The following DAB2IP variants were observed in gnomAD, a reference collection of about 807,000 sequenced individuals.
DAB2IP encodes the protein DAB2 interacting protein.
In DAB2IP, 28 loss-of-function variants were observed where a neutral mutation model predicts 107.2. That is an observed-to-expected ratio of 0.26 (90% CI 0.19 to 0.36). DAB2IP has a LOEUF of 0.36. Among genes scored for constraint, DAB2IP ranks in the 10% least tolerant of loss-of-function variants. The pLI, the probability that DAB2IP is intolerant of heterozygous loss-of-function variation, is 1.00. For missense variants in DAB2IP, 1,400 were observed against 1,644.7 expected (o/e 0.85, Z 2.57); for synonymous variants, 755 against 706.4 (o/e 1.07, Z -1.09).
intron 3 of DAB2IP, among the ~76,000 whole-genome samples, chr9:121,729,144 C>T (rs1831385754): frequency 6.6e-6 from 1 of 152,186 alleles, no homozygotes. Flanking sequence ...CCCAAAGATT[C>T]TTATCTCCTG....
chr9:121,579,331 C>T (rs7032859), intron 1 of DAB2IP, among the ~76,000 whole-genome samples: 5 of 152,036 alleles, frequency 3.3e-5, no homozygotes, highest in African/African-American at 7.2e-5. Context: ...CCTACCCCCC[C>T]ACCCTGAGGA....
At chr9:121,647,495 A>G (rs1832578602), upstream of DAB2IP, among the ~76,000 whole-genome samples, 1 of 152,044 alleles carries the variant, frequency 6.6e-6, no homozygotes, top group Non-Finnish European at 1.5e-5. Context: ...GGCCTGGCCC[A>G]TGATGTACCT....
chr9:121,737,429 C>T (rs1832007209), intron 3 of DAB2IP: 1 of 985,430 alleles, frequency 1.0e-6, no homozygotes, highest in Non-Finnish European at 1.2e-6. Flanking sequence ...CAGCACGTGC[C>T]TTTCGGGAAG....
chr9:121,715,280 C>T (rs1240445423), intron 3 of DAB2IP, among the ~76,000 whole-genome samples: 1 of 152,048 alleles, frequency 6.6e-6, no homozygotes, highest in Non-Finnish European at 1.5e-5. Context: ...GGCCTCTTTG[C>T]TTTCTTGGGT....
chr9:121,773,169 G>C (rs1230881571), exon 12 of DAB2IP: 1 of 1,602,680 alleles, frequency 6.2e-7, no homozygotes, highest in Non-Finnish European at 8.5e-7. Flanking sequence ...TGCCGCGGAG[G>C]AGCTGGCTCG....
chr9:121,610,701 C>T (rs1831063418), intron 1 of DAB2IP, among the ~76,000 whole-genome samples: 1 of 152,156 alleles, frequency 6.6e-6, no homozygotes, highest in Non-Finnish European at 1.5e-5. Context: ...TTCTCCATCT[C>T]CCCACTGTCC....
intron 1 of DAB2IP, among the ~76,000 whole-genome samples, chr9:121,661,568 C>T (rs534324897): frequency 1.5e-3 from 231 of 152,142 alleles, no homozygotes; most frequent in Admixed American, 3.1e-3. Flanking sequence ...TGCTCCGGCT[C>T]CTGTGTGTCG....
chr9:121,611,732 G>A (rs1831103499), intron 1 of DAB2IP, among the ~76,000 whole-genome samples: 1 of 152,160 alleles, frequency 6.6e-6, no homozygotes, highest in East Asian at 1.9e-4. Flanking sequence ...TTATAGGTGT[G>A]TGCCACCACA....
chr9:121,723,763 AG>A (rs961133063), intron 3 of DAB2IP, among the ~76,000 whole-genome samples: 2 of 152,196 alleles, frequency 1.3e-5, no homozygotes, highest in African/African-American at 4.8e-5. Context: ...GATTGGGCCC[AG>A]GGGGTAGGGC....
At chr9:121,672,408 G>A (rs894524974) in intron 1 of DAB2IP, among the ~76,000 whole-genome samples, 4 of 152,230 alleles carry the variant, frequency 2.6e-5, no homozygotes, top group Admixed American at 2.6e-4. Context: ...TCAGGCCGCC[G>A]TGTTTCCATG....
At chr9:121,612,537 G>C (rs535580576) in intron 1 of DAB2IP, among the ~76,000 whole-genome samples, 34 of 152,296 alleles carry the variant, frequency 2.2e-4, no homozygotes, top group Admixed American at 2.0e-3. Context: ...TGTTTCTGCT[G>C]TGTAAGTCAC....
At chr9:121,773,244 C>T (rs1048808355) in exon 12 of DAB2IP, 6 of 1,550,452 alleles carry the variant, frequency 3.9e-6, no homozygotes, top group Middle Eastern at 1.9e-4. Flanking sequence ...GCCCACGGTG[C>T]CACGGCAGAA....
chr9:121,688,885 C>T (rs930527830), intron 2 of DAB2IP, among the ~76,000 whole-genome samples: 1 of 152,198 alleles, frequency 6.6e-6, no homozygotes, highest in African/African-American at 2.4e-5. Context: ...CCAGCCCCCA[C>T]ACTTCTGCCA....
chr9:121,632,315 C>G (rs1831923565), intron 1 of DAB2IP, among the ~76,000 whole-genome samples: 1 of 152,202 alleles, frequency 6.6e-6, no homozygotes, highest in African/African-American at 2.4e-5. Context: ...AGAGTAAGCT[C>G]TGGACACGCC....
chr9:121,747,746 C>T (rs1413633017), intron 3 of DAB2IP, among the ~76,000 whole-genome samples: 2 of 151,676 alleles, frequency 1.3e-5, no homozygotes, highest in African/African-American at 4.8e-5. Flanking sequence ...TTTGACAAGT[C>T]TGACAGCTAT....
At chr9:121,595,769 T>C (rs1830518398) in intron 1 of DAB2IP, among the ~76,000 whole-genome samples, 1 of 152,212 alleles carries the variant, frequency 6.6e-6, no homozygotes, top group Non-Finnish European at 1.5e-5. Context: ...ACTTTTACCA[T>C]ATCTGTGCAT....
intron 1 of DAB2IP, among the ~76,000 whole-genome samples, chr9:121,620,894 G>A (rs887460801): frequency 1.3e-5 from 2 of 152,210 alleles, no homozygotes; most frequent in African/African-American, 4.8e-5. Flanking sequence ...CTCAGATGGA[G>A]AGAAGTGCTT....
chr9:121,676,349 G>A (rs1222881741), intron 1 of DAB2IP, among the ~76,000 whole-genome samples: 3 of 152,206 alleles, frequency 2.0e-5, no homozygotes, highest in Admixed American at 1.3e-4. Flanking sequence ...CTGTGTGTGT[G>A]TGCGCACGTC....
At chr9:121,611,155 G>A (rs928444399) in intron 1 of DAB2IP, among the ~76,000 whole-genome samples, 1 of 152,142 alleles carries the variant, frequency 6.6e-6, no homozygotes, top group African/African-American at 2.4e-5. Context: ...GTAATTTTTA[G>A]TAGAAACTAG....
Sources: allele counts gnomAD v4.1 joint callset (sites outside exome capture counted in the v4.1 genomes callset), GRCh38; gene constraint gnomAD v4.1.1; transcripts MANE v1.5; gene names NCBI Gene and HGNC (gene_info 2026-07-23, HGNC 2026-07-21).